MTMR14: variants seen among roughly 807,000 people sequenced by gnomAD.
The protein encoded by MTMR14 is myotubularin related protein 14, also known as phosphatidylinositol-3,5-bisphosphate 3-phosphatase MTMR14.
MTMR14 carries 48 observed loss-of-function variants against 86.3 expected under a neutral mutation model. The observed-to-expected ratio is 0.56, with a 90% CI of 0.44 to 0.71. The LOEUF (loss-of-function observed/expected upper bound fraction) is 0.71. Ranked by LOEUF, MTMR14 falls within the 30% of genes least tolerant of loss-of-function variation. The pLI is 0.00. For missense variants in MTMR14, 780 were observed against 834.6 expected (o/e 0.93, Z 0.81); for synonymous variants, 366 against 326.1 (o/e 1.12, Z -1.32).
intron 3 of MTMR14, among the ~76,000 whole-genome samples, chr3:9,666,908 G>A (rs1433941375): frequency 6.6e-6 from 1 of 152,222 alleles, no homozygotes; most frequent in Non-Finnish European, 1.5e-5. Context: ...CAAAGGAACA[G>A]GTGTCTATCA....
chr3:9,680,594 C>T (rs1444012878), intron 9 of MTMR14, among the ~76,000 whole-genome samples: 1 of 152,210 alleles, frequency 6.6e-6, no homozygotes, highest in Non-Finnish European at 1.5e-5. Flanking sequence ...GCCTGTAATC[C>T]CAGCACTTTA....
At chr3:9,665,709 A>G (rs1362361196) in intron 3 of MTMR14, among the ~76,000 whole-genome samples, 1 of 150,620 alleles carries the variant, frequency 6.6e-6, no homozygotes, top group Non-Finnish European at 1.5e-5. Flanking sequence ...CTAAGGTTAT[A>G]TTTTACTTCA....
chr3:9,684,517 G>T (rs1484989774), intron 10 of MTMR14, 68 bp from the exon 11 acceptor site: 11 of 1,503,064 alleles, frequency 7.3e-6, no homozygotes, highest in Non-Finnish European at 7.4e-6. Context: ...CCAAGCTGGT[G>T]GTACTTCCTG....
At chr3:9,663,253 A>G (rs1431601861) in intron 3 of MTMR14, among the ~76,000 whole-genome samples, 1 of 152,078 alleles carries the variant, frequency 6.6e-6, no homozygotes, top group Non-Finnish European at 1.5e-5. Flanking sequence ...TCAGTGGTCA[A>G]GGGCAGGGCA....
chr3:9,692,434 C>T lies in MTMR14; in HGVS notation c.1613+2291C>T, dbSNP rs931415115. Among the ~76,000 whole-genome samples, 21 of 152,256 alleles carry T rather than the reference C, an allele frequency of 1.4e-4. 1 individual carries two copies. The highest frequency in any genetic ancestry group is 1.9e-4 in the African/African-American group (8 of 41,464). On this transcript the variant is annotated intron_variant, in intron 17 of 18. Transcript: ENST00000296003. ...TAATCATTGTTAGCTGTTGTTGCTG[C>T]AGCAGCTTCTGATTAAGTTGCATTT...
At position 9,677,324 on chromosome 3, in the gene MTMR14, A is replaced by G. The variant is rs1452957303; in HGVS notation, c.759A>G (p.Glu253=). 1.9e-6 allele frequency: 3 copies of G among 1,613,884 alleles called. No homozygotes were observed. Among genetic ancestry groups the G allele is most frequent in the African/African-American group, 2.7e-5 (2 of 74,912 alleles). Residue 253 remains glutamate (E), a synonymous_variant, in exon 8 of 19, where the codon GAA becomes GAG. Transcript: ENST00000296003. The surrounding 1 kb of genome is among the most constrained non-coding windows in gnomAD (Gnocchi z 4.2). ...TCTGCCCTTCTTTTCCAGGCTGTGA[A>G]TTTTTCAAGGAATATAAAGATCGGG... is the stretch of plus-strand genomic sequence containing the variant. ...TLLSIPYPGC[E]FFKEYKDRDY...
intron 2 of MTMR14, among the ~76,000 whole-genome samples, chr3:9,661,266 T>A (rs1284780248): frequency 6.6e-6 from 1 of 152,232 alleles, no homozygotes; most frequent in Non-Finnish European, 1.5e-5. Context: ...AAAACAATTT[T>A]TCCACGGCAG....
intron 9 of MTMR14, 85 bp downstream of exon 9, chr3:9,678,143 G>A (rs550403481): frequency 1.1e-5 from 16 of 1,400,422 alleles, no homozygotes; most frequent in South Asian, 7.4e-5. Flanking sequence ...CAAGGCCCTC[G>A]TGTGTTTGCC....
At position 9,665,730 on chromosome 3, in the gene MTMR14, AT is replaced by A. The variant is rs759820447; in HGVS notation, c.418-2971del. On this transcript the variant is annotated intron_variant, in intron 3 of 18. Coordinates refer to ENST00000296003, the MANE Select transcript of MTMR14 (RefSeq NM_001077525.3). ...TTATATTTTACTTCATTTCATTTTAATTTTTTTTTTTTTTTTTTGAGACAGA... is the reference window on the plus strand; with the variant it reads ...TTATATTTTACTTCATTTCATTTTAATTTTTTTTTTTTTTTTTGAGACAGA... 3.4e-3 allele frequency among the ~76,000 whole-genome samples: 474 copies of A among 139,442 alleles called. 1 individual carries two copies. Among genetic ancestry groups the A allele is most frequent in the Middle Eastern group, 0.011 (3 of 274 alleles). 91.5% of individuals were successfully genotyped at this position (139,442 alleles called of 152,430 possible). A position where few individuals can be genotyped will look rare whatever the true frequency, so the allele number is the denominator to read the frequency against.
chr3:9,675,003 C>T (rs190407596), intron 7 of MTMR14, among the ~76,000 whole-genome samples: 215 of 152,284 alleles, frequency 1.4e-3, no homozygotes, highest in Admixed American at 0.011. Flanking sequence ...CCCAGTTATT[C>T]GGGAGGCCGA....
intron 14 of MTMR14, among the ~76,000 whole-genome samples, chr3:9,688,482 G>A (rs1315451937): frequency 1.3e-5 from 2 of 152,236 alleles, no homozygotes; most frequent in Non-Finnish European, 1.5e-5. Flanking sequence ...AGACCTTGCT[G>A]CCCTCAGAAA....
chr3:9,678,142 C>G, intron 9 of MTMR14, 84 bp downstream of exon 9: 1 of 1,396,850 alleles, frequency 7.2e-7, no homozygotes. Flanking sequence ...ACAAGGCCCT[C>G]GTGTGTTTGC....
At chr3:9,673,421 G>A (rs2048677922) in intron 7 of MTMR14, among the ~76,000 whole-genome samples, 1 of 152,236 alleles carries the variant, frequency 6.6e-6, no homozygotes, top group South Asian at 2.1e-4. Flanking sequence ...TGTTGGTCTA[G>A]TGTGTAGCAT....
At chr3:9,676,646 T>C (rs140922630) in intron 7 of MTMR14, among the ~76,000 whole-genome samples, 1 of 152,194 alleles carries the variant, frequency 6.6e-6, no homozygotes, top group Non-Finnish European at 1.5e-5. Flanking sequence ...AGTAAAAAGC[T>C]GAGATTTTAA....
rs759097091 is a variant in MTMR14 at position 9,697,700 on chromosome 3, C to T, written c.1614-11C>T. On this transcript the variant is annotated splice_polypyrimidine_tract_variant and intron_variant, in intron 17 of 18. Transcript: ENST00000296003. ...CTGCATCCTCTCCCCTCTCTCTCCTCTCTGCCCCAGATCAGTGGACCATCC... is the reference window on the plus strand; with the variant it reads ...CTGCATCCTCTCCCCTCTCTCTCCTTTCTGCCCCAGATCAGTGGACCATCC... 5.6e-6 allele frequency: 9 copies of T among 1,613,258 alleles called. No individual in the cohort carries two copies. Among genetic ancestry groups the T allele is most frequent in the Non-Finnish European group, 7.6e-6 (9 of 1,179,626 alleles).
intron 2 of MTMR14, among the ~76,000 whole-genome samples, chr3:9,657,572 A>C (rs1362550332): frequency 6.7e-6 from 1 of 150,022 alleles, no homozygotes; most frequent in Admixed American, 6.6e-5. Context: ...TTTGATATGG[A>C]GTCTTGCTGT....
Position 9,677,747 on chromosome 3 carries a change from T to C in MTMR14, c.823-237T>C, listed in dbSNP as rs2075630444. 6.6e-6 allele frequency among the ~76,000 whole-genome samples: 1 copy of C among 152,176 alleles called. No individual in the cohort carries two copies. Among genetic ancestry groups the C allele is most frequent in the African/African-American group, 2.4e-5 (1 of 41,440 alleles). On this transcript the variant is annotated intron_variant, in intron 8 of 18. Coordinates refer to ENST00000296003, the MANE Select transcript of MTMR14 (RefSeq NM_001077525.3). This position sits in a 1 kb window ranked among gnomAD's most constrained non-coding sequence, Gnocchi z 4.2. ...AAACCTGCCGGAAGCTGAACACATA[T>C]TGATCTTGCATGTTTCAGCAACAGA...
At position 9,701,898 on chromosome 3, in the gene MTMR14, C is replaced by G; in HGVS notation, c.1878C>G (p.Ser626=). ...VGLRAVAPSP[S]GAIGGLLEQF... is the part of the protein sequence containing the mutation. ...TTCGGGCAGTAGCCCCCAGTCCTTCCGGTGCCATCGGGGGCCTGCTGGAGC... is the reference window on the plus strand; with the variant it reads ...TTCGGGCAGTAGCCCCCAGTCCTTCGGGTGCCATCGGGGGCCTGCTGGAGC... The change falls in exon 19 of 19, where the codon TCC becomes TCG. Residue 626 remains serine, a synonymous_variant. Coordinates refer to ENST00000296003, the MANE Select transcript of MTMR14 (RefSeq NM_001077525.3). This position sits in a 1 kb window ranked among gnomAD's most constrained non-coding sequence, Gnocchi z 4.2. 1.2e-6 allele frequency: 2 copies of G among 1,614,216 alleles called. No individual in the cohort carries two copies. The highest frequency in any genetic ancestry group is 1.7e-6 in the Non-Finnish European group (2 of 1,180,046).
At chr3:9,651,449 C>G (rs966160849) in intron 1 of MTMR14, among the ~76,000 whole-genome samples, 2 of 152,066 alleles carry the variant, frequency 1.3e-5, no homozygotes, top group East Asian at 1.9e-4. Context: ...TTTCTGGACC[C>G]CTCTTCCAAC....
Sources: allele counts gnomAD v4.1 joint callset (sites outside exome capture counted in the v4.1 genomes callset), GRCh38; gene constraint gnomAD v4.1.1; non-coding constraint Gnocchi (gnomAD v3.1); transcripts MANE v1.5; gene names NCBI Gene and HGNC (gene_info 2026-07-23, HGNC 2026-07-21).